The following POLA1 variants were observed in gnomAD, a reference collection of about 807,000 sequenced individuals.
POLA1 encodes the protein DNA polymerase alpha catalytic subunit.
In POLA1, 15 loss-of-function variants were observed where a neutral mutation model predicts 124.0. That is an observed-to-expected ratio of 0.12 (90% CI 0.08 to 0.19). The LOEUF is 0.19. POLA1 is among the 10% of genes least tolerant of loss of function. The pLI, the probability that POLA1 is intolerant of heterozygous loss-of-function variation, is 1.00. For missense variants in POLA1, 886 were observed against 1,103.4 expected (o/e 0.80, Z 2.79); for synonymous variants, 408 against 389.4 (o/e 1.05, Z -0.56).
chrX:24,807,166 A>G (rs1243174048), intron 26 of POLA1, among the ~76,000 whole-genome samples: 1 of 112,125 alleles, frequency 8.9e-6, no homozygotes, highest in Admixed American at 9.4e-5. Context: ...TTGAAGGTAC[A>G]CTCAGGGATG....
chrX:24,899,872 G>C (rs2047254172), intron 35 of POLA1, among the ~76,000 whole-genome samples: 2 of 111,404 alleles, frequency 1.8e-5, no homozygotes, highest in African/African-American at 6.5e-5. Context: ...ATTTTTATTA[G>C]TCATTTGGGT....
chrX:24,824,648 A>G (rs1490126247), intron 31 of POLA1, among the ~76,000 whole-genome samples: 1 of 109,551 alleles, frequency 9.1e-6, no homozygotes, highest in Non-Finnish European at 1.9e-5. Context: ...TGTTTTTCCA[A>G]TACGACATAG....
chrX:24,948,860 C>T (rs1464221551), intron 36 of POLA1, among the ~76,000 whole-genome samples: 1 of 111,763 alleles, frequency 8.9e-6, no homozygotes. Flanking sequence ...TACTATAGTT[C>T]TCCCCCATAT....
chrX:24,807,525 G>A (rs913296502), intron 26 of POLA1, among the ~76,000 whole-genome samples: 2 of 112,114 alleles, frequency 1.8e-5, no homozygotes, highest in Non-Finnish European at 3.8e-5. Flanking sequence ...GAGAGTGACT[G>A]TTTTTTATGT....
At chrX:24,764,777 TA>T (rs1306323520) in intron 26 of POLA1, among the ~76,000 whole-genome samples, 1 of 111,516 alleles carries the variant, frequency 9.0e-6, no homozygotes, top group Non-Finnish European at 1.9e-5. Context: ...CTGCCAGTGT[TA>T]CTTCCAAAAT....
At chrX:24,869,167 C>T (rs1042964038) in intron 34 of POLA1, among the ~76,000 whole-genome samples, 10 of 112,487 alleles carry the variant, frequency 8.9e-5, no homozygotes, top group Admixed American at 2.8e-4. Context: ...ACTCTGAGCT[C>T]AAGCGATCCT....
intron 36 of POLA1, among the ~76,000 whole-genome samples, chrX:24,982,084 C>T (rs2048429176): frequency 9.2e-6 from 1 of 108,161 alleles, no homozygotes; most frequent in African/African-American, 3.4e-5. Flanking sequence ...TTTTTTCCCT[C>T]AAGGCATTTA....
At chrX:24,854,807 C>T (rs1302857028) in intron 34 of POLA1, among the ~76,000 whole-genome samples, 4 of 106,113 alleles carry the variant, frequency 3.8e-5, no homozygotes, top group African/African-American at 1.4e-4. Context: ...CCATCCTGGG[C>T]GACAGAGTGG....
Position 24,995,950 on chromosome X carries a change from A to C in POLA1, c.4407A>C (p.Ter1469TyrextTer12). 1 of 1,207,286 alleles carries C rather than the reference A, an allele frequency of 8.3e-7. No homozygotes were observed. Among genetic ancestry groups the C allele is most frequent in the African/African-American group, 1.7e-5 (1 of 57,498 alleles). The change falls in exon 37 of 37, where the codon TAA becomes TAC. Residue 1469 changes from the stop codon to tyrosine (Y), a stop_lost. Transcript: ENST00000379068. ...KLFAGCAVKS[*>Y] ...TCGCTGGTTGTGCCGTGAAATCCTA[A>C]GGGAATCCCAGGAGTAACCAAGGAG... is the stretch of plus-strand genomic sequence containing the variant.
At chrX:24,748,784 T>G (rs767567233) in intron 25 of POLA1, 86 bp from the exon 26 acceptor site, 62 of 974,343 alleles carry the variant, frequency 6.4e-5, no homozygotes, top group Non-Finnish European at 8.8e-5. Flanking sequence ...GTTTCCCTTT[T>G]TATTGGAGAT....
chrX:24,936,764 C>CTTG (rs1304293137), intron 36 of POLA1, among the ~76,000 whole-genome samples: 2 of 111,582 alleles, frequency 1.8e-5, no homozygotes, highest in Non-Finnish European at 3.8e-5. Context: ...ATCTCCTGAC[C>CTTG]TTGTGATCCA....
In POLA1 at chrX:24,946,370, T is replaced by C. The variant is rs559349383; in HGVS notation, c.4261+15821T>C. ...GTGCTCATCTCTTGGGGTGCTCATC[T>C]CTTGGGGTGCTCATCTTACCTGGGG... is the stretch of plus-strand genomic sequence containing the variant. On this transcript the variant is annotated intron_variant, in intron 36 of 36. Coordinates refer to ENST00000379068, the MANE Select transcript of POLA1 (RefSeq NM_001330360.2). Among the ~76,000 whole-genome samples, 10 of 111,916 alleles carry C rather than the reference T, an allele frequency of 8.9e-5. No individual in the cohort carries two copies. The South Asian group carries it at 3.8e-3, about 42-fold the overall frequency.
rs1294291202 is a variant in POLA1 at position 24,717,652 on chromosome X, A to G, written c.981A>G (p.Glu327=). 6.7e-6 allele frequency: 8 copies of G among 1,202,888 alleles called. No individual in the cohort carries two copies. Among genetic ancestry groups the G allele is most frequent in the Non-Finnish European group, 9.0e-6 (8 of 888,957 alleles). The change falls in exon 10 of 37, where the codon GAA becomes GAG. Residue 327 remains glutamate (E), a synonymous_variant. Coordinates refer to ENST00000379068, the MANE Select transcript of POLA1 (RefSeq NM_001330360.2). ...QEGDSSFSVQ[E]VQVDSSHLPL... Reference sequence around the variant, plus strand: ...GTGATAGCAGTTTCTCAGTGCAAGAAGTTCAAGTGGATTCCAGTCACCTCC... The same window carrying G: ...GTGATAGCAGTTTCTCAGTGCAAGAGGTTCAAGTGGATTCCAGTCACCTCC...
intron 36 of POLA1, among the ~76,000 whole-genome samples, chrX:24,976,590 T>C (rs1372592521): frequency 8.9e-6 from 1 of 112,416 alleles, no homozygotes; most frequent in Non-Finnish European, 1.9e-5. Context: ...TTCCCAAATA[T>C]TCCTGGACAG....
intron 36 of POLA1, among the ~76,000 whole-genome samples, chrX:24,986,230 C>T (rs761186497): frequency 3.8e-4 from 42 of 111,372 alleles, no homozygotes; most frequent in Non-Finnish European, 6.8e-4. Context: ...TGACATTAAT[C>T]AGGGTGGAGA....
At chrX:24,973,769 T>C (rs780540119) in intron 36 of POLA1, among the ~76,000 whole-genome samples, 2 of 111,846 alleles carry the variant, frequency 1.8e-5, no homozygotes, top group African/African-American at 6.5e-5. Flanking sequence ...ACCATCTACA[T>C]TGTATTGGTT....
At chrX:24,865,645 A>G (rs1323794387) in intron 34 of POLA1, among the ~76,000 whole-genome samples, 2 of 111,559 alleles carry the variant, frequency 1.8e-5, no homozygotes, top group Non-Finnish European at 3.8e-5. Context: ...TGGAGTTTTT[A>G]TTTCCTCTCT....
At chrX:24,872,226 T>G (rs1019826178) in intron 34 of POLA1, among the ~76,000 whole-genome samples, 1 of 111,797 alleles carries the variant, frequency 8.9e-6, no homozygotes, top group African/African-American at 3.2e-5. Flanking sequence ...AAAATTTTAA[T>G]AAGGTTACTA....
At chrX:24,763,882 A>G (rs965582870) in intron 26 of POLA1, among the ~76,000 whole-genome samples, 2 of 111,823 alleles carry the variant, frequency 1.8e-5, no homozygotes, top group African/African-American at 3.3e-5. Flanking sequence ...TAGTTTATAG[A>G]TCAAGAATCT....
Sources: allele counts gnomAD v4.1 joint callset (sites outside exome capture counted in the v4.1 genomes callset), GRCh38; gene constraint gnomAD v4.1.1; transcripts MANE v1.5; gene names NCBI Gene and HGNC (gene_info 2026-07-23, HGNC 2026-07-21).